The following WDFY3 variants were observed in gnomAD, a reference collection of about 807,000 sequenced individuals.
The protein encoded by WDFY3 is WD repeat and FYVE domain containing 3.
WDFY3 carries 66 observed loss-of-function variants against 409.6 expected under a neutral mutation model. The ratio of observed to expected loss-of-function variants is 0.16; its 90% CI spans 0.13 to 0.20. The LOEUF is 0.20. WDFY3 is among the 10% of genes least tolerant of loss of function. The pLI is 1.00. For missense variants in WDFY3, 3,031 were observed against 4,298.1 expected, an observed-to-expected ratio of 0.71 and a Z score of 8.24; for synonymous variants, 1,521 against 1,537.1, an observed-to-expected ratio of 0.99 and a Z score of 0.25.
chr4:84,797,412 C>T (rs1302067610), intron 18 of WDFY3, among the ~76,000 whole-genome samples: 1 of 151,984 alleles, frequency 6.6e-6, no homozygotes, highest in East Asian at 1.9e-4. Context: ...TATTCTCTCT[C>T]GAAATAAACT....
intron 56 of WDFY3, among the ~76,000 whole-genome samples, chr4:84,698,603 G>T (rs184973021): frequency 1.1e-3 from 174 of 152,202 alleles, no homozygotes; most frequent in Middle Eastern, 3.4e-3. Context: ...TCTCCTCCAT[G>T]TGTATCCAAG....
chr4:84,733,257 A>T, intron 44 of WDFY3, 125 bp downstream of exon 44: 1 of 1,049,090 alleles, frequency 9.5e-7, no homozygotes, highest in Non-Finnish European at 1.4e-6. Flanking sequence ...TTATCAATTT[A>T]ATAGCGTATG....
intron 10 of WDFY3, among the ~76,000 whole-genome samples, chr4:84,825,039 T>C (rs563681594): frequency 4.6e-5 from 7 of 152,304 alleles, no homozygotes; most frequent in African/African-American, 1.7e-4. Flanking sequence ...CTTACTTTCA[T>C]AGACATTATG....
chr4:84,735,530 G>A (rs1737298447), intron 42 of WDFY3, among the ~76,000 whole-genome samples: 1 of 152,204 alleles, frequency 6.6e-6, no homozygotes, highest in South Asian at 2.1e-4. Context: ...CACTAGACCA[G>A]CACTGCAGCC....
At chr4:84,711,860 A>AT (rs1732962056) in intron 51 of WDFY3, among the ~76,000 whole-genome samples, 1 of 151,952 alleles carries the variant, frequency 6.6e-6, no homozygotes, top group Non-Finnish European at 1.5e-5. Context: ...CAAAAAAAAA[A>AT]AATAATAATA....
chr4:84,895,741 C>A (rs1052550025), intron 3 of WDFY3, among the ~76,000 whole-genome samples: 2 of 152,070 alleles, frequency 1.3e-5, no homozygotes, highest in Admixed American at 6.6e-5. Context: ...AAGGGTGGGG[C>A]ACAGTGGTAT....
intron 5 of WDFY3, among the ~76,000 whole-genome samples, chr4:84,845,754 C>G (rs778863724): frequency 6.6e-6 from 1 of 151,786 alleles, no homozygotes; most frequent in Non-Finnish European, 1.5e-5. Flanking sequence ...AAGAATCTTC[C>G]AATGTTCTAA....
intron 35 of WDFY3, 144 bp from the exon 36 acceptor site, chr4:84,751,860 C>G: frequency 2.4e-6 from 2 of 831,180 alleles, no homozygotes; most frequent in Non-Finnish European, 3.8e-6. Context: ...CTTTACTCGA[C>G]CCTTCCTTTC....
chr4:84,691,833 T>C (rs1213269891), intron 59 of WDFY3, 48 bp from the exon 60 acceptor site: 2 of 1,511,858 alleles, frequency 1.3e-6, no homozygotes, highest in East Asian at 2.3e-5. Flanking sequence ...GAAAAACTAA[T>C]GTCATTATCT....
chr4:84,785,744 T>A (rs1339941726), intron 24 of WDFY3, among the ~76,000 whole-genome samples: 2 of 152,224 alleles, frequency 1.3e-5, no homozygotes, highest in Non-Finnish European at 2.9e-5. Flanking sequence ...ATTGCCAATA[T>A]AAATAAATTA....
intron 7 of WDFY3, among the ~76,000 whole-genome samples, chr4:84,835,419 T>C (rs980043377): frequency 4.6e-5 from 7 of 152,190 alleles, no homozygotes; most frequent in African/African-American, 2.4e-5. Context: ...AGGAATCAGA[T>C]AGATCTGAGT....
intron 32 of WDFY3, among the ~76,000 whole-genome samples, chr4:84,759,459 T>C (rs1454463577): frequency 6.6e-6 from 1 of 151,998 alleles, no homozygotes; most frequent in Non-Finnish European, 1.5e-5. Flanking sequence ...TTCCATTTGT[T>C]TGTATCCTCT....
At chr4:84,674,720 T>C (rs924335022) in intron 67 of WDFY3, among the ~76,000 whole-genome samples, 2 of 151,466 alleles carry the variant, frequency 1.3e-5, no homozygotes, top group East Asian at 4.0e-4. Context: ...ATACAAAAAT[T>C]AGCCAGGCGT....
At chr4:84,962,237 C>A (rs570091723) in intron 1 of WDFY3, among the ~76,000 whole-genome samples, 6 of 152,204 alleles carry the variant, frequency 3.9e-5, no homozygotes, top group Admixed American at 1.3e-4. Flanking sequence ...AGTGTTTACA[C>A]TACAATGATT....
intron 4 of WDFY3, 44 bp downstream of exon 4, chr4:84,860,368 G>GC (rs762526953): frequency 1.2e-5 from 18 of 1,550,974 alleles, no homozygotes; most frequent in African/African-American, 4.1e-5. Flanking sequence ...TTCTTGTAGT[G>GC]CCCCCCAGTC....
Position 84,872,326 on chromosome 4 carries a change from G to A in WDFY3, c.-31-11704C>T, listed in dbSNP as rs569983545. Among the ~76,000 whole-genome samples, 6 of 152,034 alleles carry A rather than the reference G, an allele frequency of 3.9e-5. No individual in the cohort carries two copies. In the East Asian group the frequency reaches 5.8e-4, roughly 15 times the overall value. ...CTAAAAATATAAAAATTAGCCAGGC[G>A]TGGTGGAGGGCGCCTATGGTCCCAG... On this transcript the variant is annotated intron_variant, in intron 3 of 67. Coordinates refer to ENST00000295888, the MANE Select transcript of WDFY3 (RefSeq NM_014991.6).
chr4:84,673,104 TG>T, intron 67 of WDFY3, 113 bp from the exon 68 acceptor site: 5 of 1,391,020 alleles, frequency 3.6e-6, no homozygotes, highest in Non-Finnish European at 4.9e-6. Flanking sequence ...AAGGCCATAC[TG>T]GTTTGTGTTG....
At chr4:84,775,166 T>TCTTTCTCTTA in intron 27 of WDFY3, 28 bp from the exon 28 acceptor site, 1 of 1,599,128 alleles carries the variant, frequency 6.3e-7, no homozygotes, top group Non-Finnish European at 8.5e-7. Context: ...AGTAGTATAT[T>TCTTTCTCTTA]TAAGGTTAAA....
chr4:84,908,604 C>T (rs1456166705), intron 2 of WDFY3, among the ~76,000 whole-genome samples: 1 of 152,090 alleles, frequency 6.6e-6, no homozygotes, highest in Non-Finnish European at 1.5e-5. Flanking sequence ...CATCAGAAAC[C>T]TCAATAGTCA....
Sources: gnomAD v4.1 joint callset for allele counts (sites outside exome capture counted in the v4.1 genomes callset) on GRCh38, gnomAD v4.1.1 for gene constraint, MANE v1.5 for transcripts, NCBI Gene and HGNC (gene_info 2026-07-23, HGNC 2026-07-21) for gene names.